The following BMERB1 variants were observed in gnomAD, a reference collection of about 807,000 sequenced individuals.
BMERB1 encodes bMERB domain containing 1.
BMERB1 carries 12 observed loss-of-function variants against 23.6 expected under a neutral mutation model. The observed-to-expected ratio is 0.51, with a 90% CI of 0.33 to 0.82. BMERB1 has a LOEUF of 0.82. BMERB1 is among the 40% of genes least tolerant of loss of function. The pLI is 0.03. For synonymous variants in BMERB1, 122 were observed against 96.6 expected, an observed-to-expected ratio of 1.26 and a Z score of -1.54; for missense variants, 247 against 255.4, an observed-to-expected ratio of 0.97 and a Z score of 0.22.
chr16:15,558,631 T>TA (rs1165214142), intron 2 of BMERB1, among the ~76,000 whole-genome samples: 4 of 150,878 alleles, frequency 2.7e-5, no homozygotes, highest in African/African-American at 2.5e-5. Context: ...CGTAGTCACA[T>TA]ATGTGTCGTA....
intron 1 of BMERB1, among the ~76,000 whole-genome samples, chr16:15,457,292 T>C (rs557197149): frequency 6.6e-6 from 1 of 152,344 alleles, no homozygotes; most frequent in East Asian, 1.9e-4. Context: ...ATTCAAATGA[T>C]ACTGTGGAAA....
intron 1 of BMERB1, among the ~76,000 whole-genome samples, chr16:15,454,941 G>A (rs896373744): frequency 2.6e-5 from 4 of 152,148 alleles, no homozygotes; most frequent in Non-Finnish European, 5.9e-5. Flanking sequence ...TGGCTATACA[G>A]GTAATGAATA....
intron 2 of BMERB1, among the ~76,000 whole-genome samples, chr16:15,544,355 T>G (rs943337546): frequency 1.6e-4 from 25 of 152,244 alleles, no homozygotes; most frequent in African/African-American, 5.8e-4. Context: ...ATCTTAATAA[T>G]GCCAAGTCCC....
chr16:15,470,825 C>CCT (rs2051223404), intron 1 of BMERB1, among the ~76,000 whole-genome samples: 1 of 49,334 alleles, frequency 2.0e-5, no homozygotes, highest in African/African-American at 8.3e-5. Flanking sequence ...CACCTGGCCT[C>CCT]TTTTTTTTTT....
chr16:15,545,115 G>C (rs2052121157), intron 2 of BMERB1, among the ~76,000 whole-genome samples: 1 of 152,026 alleles, frequency 6.6e-6, no homozygotes, highest in Admixed American at 6.6e-5. Context: ...TGGGATTATA[G>C]GCACCCGCCA....
intron 1 of BMERB1, among the ~76,000 whole-genome samples, chr16:15,450,230 C>T (rs1227205636): frequency 1.3e-5 from 2 of 151,668 alleles, no homozygotes; most frequent in Non-Finnish European, 2.9e-5. Context: ...TTGGTGAGCA[C>T]TGAAATTTGA....
intron 1 of BMERB1, among the ~76,000 whole-genome samples, chr16:15,495,523 G>A (rs372958115): frequency 2.6e-5 from 4 of 152,038 alleles, no homozygotes; most frequent in African/African-American, 4.8e-5. Context: ...CTGCCACCAC[G>A]CCTGGCTAAT....
chr16:15,442,210 A>C (rs1263644510), intron 1 of BMERB1, among the ~76,000 whole-genome samples: 1 of 152,064 alleles, frequency 6.6e-6, no homozygotes. Flanking sequence ...GCATGCCTGT[A>C]ATCCTAGCTA....
intron 1 of BMERB1, among the ~76,000 whole-genome samples, chr16:15,478,073 G>T (rs939215869): frequency 2.0e-5 from 3 of 152,028 alleles, no homozygotes; most frequent in Non-Finnish European, 4.4e-5. Flanking sequence ...TTTCCTCTAA[G>T]GTTTGTGTGT....
chr16:15,437,699 C>T (rs1381287807), intron 1 of BMERB1, among the ~76,000 whole-genome samples: 2 of 152,186 alleles, frequency 1.3e-5, no homozygotes, highest in South Asian at 2.1e-4. Context: ...TGGCTCACGC[C>T]TGCAATCCCA....
intron 3 of BMERB1, among the ~76,000 whole-genome samples, chr16:15,575,389 C>G (rs1174179778): frequency 6.6e-6 from 1 of 152,206 alleles, no homozygotes; most frequent in Non-Finnish European, 1.5e-5. Flanking sequence ...CTATTACCTT[C>G]TTACTGATAA....
At chr16:15,535,175 C>A (rs976781908) in intron 2 of BMERB1, among the ~76,000 whole-genome samples, 15 of 151,902 alleles carry the variant, frequency 9.9e-5, no homozygotes, top group African/African-American at 3.6e-4. Flanking sequence ...CATAGCAAGA[C>A]CCCATCTCTA....
chr16:15,578,646 C>T (rs556896100), intron 3 of BMERB1, among the ~76,000 whole-genome samples: 65 of 152,110 alleles, frequency 4.3e-4, no homozygotes, highest in Non-Finnish European at 7.9e-4. Flanking sequence ...GGTGCAAGAT[C>T]AAGGTGTTGG....
intron 1 of BMERB1, among the ~76,000 whole-genome samples, chr16:15,464,574 G>A (rs1261631863): frequency 6.6e-6 from 1 of 152,136 alleles, no homozygotes; most frequent in Non-Finnish European, 1.5e-5. Context: ...AACAAGAGGT[G>A]GATTATTCAT....
rs1486859548 is a variant in BMERB1 at position 15,485,469 on chromosome 16, C to G, written c.107-29836C>G. ...ACCAGCGCTGAGAAACCAATACTTT[C>G]TTTTTCCATCTCGCTTGTGTAATTT... On this transcript the variant is annotated intron_variant, in intron 1 of 5. Coordinates refer to ENST00000300006, the MANE Select transcript of BMERB1 (RefSeq NM_033201.3). 3.3e-5 allele frequency among the ~76,000 whole-genome samples: 5 copies of G among 151,664 alleles called. No individual in the cohort carries two copies. In the Admixed American group the frequency reaches 3.3e-4, roughly 10 times the overall value.
rs1167305454 is a variant in BMERB1 at position 15,528,919 on chromosome 16, GA to G, written c.230+13493del. ...CTTTCACTGTGTGAGGACACAGTGA[GA>G]ACTCACTATCTATGAGGAAGAGGTC... is the stretch of plus-strand genomic sequence containing the variant. On this transcript the variant is annotated intron_variant, in intron 2 of 5. Transcript: ENST00000300006. 3.9e-5 allele frequency among the ~76,000 whole-genome samples: 6 copies of G among 152,292 alleles called. No individual in the cohort carries two copies. In the South Asian group the frequency reaches 8.3e-4, roughly 21 times the overall value.
intron 2 of BMERB1, among the ~76,000 whole-genome samples, chr16:15,538,467 A>AT (rs2052047467): frequency 6.6e-6 from 1 of 150,920 alleles, no homozygotes; most frequent in Non-Finnish European, 1.5e-5. Flanking sequence ...AAAAAAAAAA[A>AT]GGCTCTTAGA....
chr16:15,579,659 C>T (rs982938707), intron 3 of BMERB1, among the ~76,000 whole-genome samples: 8 of 152,090 alleles, frequency 5.3e-5, no homozygotes, highest in Non-Finnish European at 8.8e-5. Context: ...TCAGCCCTCT[C>T]TCTTTTTTTT....
intron 5 of BMERB1, among the ~76,000 whole-genome samples, chr16:15,584,683 TC>T (rs1275685851): frequency 1.3e-5 from 2 of 152,030 alleles, no homozygotes; most frequent in African/African-American, 4.8e-5. Context: ...CACTATTACC[TC>T]CCCTCCTTTT....
Sources: allele counts gnomAD v4.1 joint callset (sites outside exome capture counted in the v4.1 genomes callset), GRCh38; gene constraint gnomAD v4.1.1; transcripts MANE v1.5; gene names NCBI Gene and HGNC (gene_info 2026-07-23, HGNC 2026-07-21).